Variants in AFF1 observed in about 807,000 individuals in gnomAD.
AFF1 encodes the protein ALF transcription elongation factor 1, also known as AF4/FMR2 family member 1.
AFF1 carries 48 observed loss-of-function variants against 121.7 expected under a neutral mutation model. That is an observed-to-expected ratio of 0.39 (90% confidence interval 0.31 to 0.50). The LOEUF is 0.50. Among genes scored for constraint, AFF1 ranks in the 20% least tolerant of loss-of-function variants. The pLI is 0.76. For missense variants in AFF1, 1,523 were observed against 1,511.7 expected, an observed-to-expected ratio of 1.01 and a Z score of -0.12; for synonymous variants, 613 against 563.0, an observed-to-expected ratio of 1.09 and a Z score of -1.26.
At chr4:87,096,522 A>G (rs1284171521) in intron 8 of AFF1, among the ~76,000 whole-genome samples, 1 of 149,940 alleles carries the variant, frequency 6.7e-6, no homozygotes, top group East Asian at 2.0e-4. Context: ...GTGAGCTTCC[A>G]CACTTAGCCT....
intron 2 of AFF1, among the ~76,000 whole-genome samples, chr4:87,045,462 C>T (rs929570762): frequency 1.3e-5 from 2 of 149,540 alleles, no homozygotes; most frequent in African/African-American, 5.0e-5. Flanking sequence ...CGTTTAACCC[C>T]TTTAGTGCCA....
In AFF1 at chr4:87,115,089, C is replaced by CA. The variant is rs1726961304; in HGVS notation, c.2257dup (p.Thr753AsnfsTer44). ...ACAGACTCCCATTGCCTTTGAGAGA[C>CA]ACCAAGCTGCTCTCACCGCTCAGGG... On this transcript the variant is annotated frameshift_variant, in exon 12 of 21. Transcript: ENST00000395146. LOFTEE classifies it high-confidence loss of function. 1 of 1,614,058 alleles carries CA rather than the reference C, an allele frequency of 6.2e-7. No individual in the cohort carries two copies.
intron 2 of AFF1, among the ~76,000 whole-genome samples, chr4:86,958,583 T>G (rs576127944): frequency 1.3e-5 from 2 of 151,918 alleles, no homozygotes; most frequent in East Asian, 3.9e-4. Context: ...CCGGGTGTGG[T>G]GGTACGTGCC....
At chr4:86,950,054 T>C in intron 2 of AFF1, 1 of 1,613,972 alleles carries the variant, frequency 6.2e-7, no homozygotes, top group East Asian at 2.2e-5. Context: ...GAGAGGGTGA[T>C]TGATGTAATA....
At chr4:86,939,469 T>G (rs987431263) in intron 1 of AFF1, among the ~76,000 whole-genome samples, 3 of 152,236 alleles carry the variant, frequency 2.0e-5, no homozygotes, top group African/African-American at 7.2e-5. Flanking sequence ...TCATTTAGGA[T>G]TTTGAACATT....
At chr4:87,133,323 G>C (rs1485023907) in intron 19 of AFF1, among the ~76,000 whole-genome samples, 3 of 152,032 alleles carry the variant, frequency 2.0e-5, no homozygotes, top group Admixed American at 6.5e-5. Context: ...TTTTTAATTT[G>C]GTCATACTCC....
At chr4:87,043,821 CTTTCTT>C (rs1395294564) in intron 2 of AFF1, among the ~76,000 whole-genome samples, 6 of 105,604 alleles carry the variant, frequency 5.7e-5, no homozygotes, top group African/African-American at 2.1e-4. Flanking sequence ...TTCTTTCTTT[CTTTCTT>C]TTTTTTTTTG....
intron 2 of AFF1, chr4:87,007,518 C>T (rs1726284762): frequency 6.6e-7 from 1 of 1,525,364 alleles, no homozygotes; most frequent in Non-Finnish European, 9.1e-7. Flanking sequence ...AGGAGACGGA[C>T]AGGAAGCAGC....
At chr4:87,022,580 ATATCTATCTATATC>A (rs1244726472) in intron 2 of AFF1, among the ~76,000 whole-genome samples, 41 of 89,302 alleles carry the variant, frequency 4.6e-4, no homozygotes, top group African/African-American at 1.8e-3. Flanking sequence ...ATATATATAT[ATATCTATCTATATC>A]TATCTGTGTG....
intron 2 of AFF1, among the ~76,000 whole-genome samples, chr4:87,043,893 A>G (rs1282161051): frequency 6.6e-6 from 1 of 151,858 alleles, no homozygotes; most frequent in African/African-American, 2.4e-5. Flanking sequence ...ATCTCAGCTC[A>G]CTGCAGCCTC....
chr4:87,019,574 A>T (rs964793321), intron 2 of AFF1, among the ~76,000 whole-genome samples: 4 of 152,198 alleles, frequency 2.6e-5, no homozygotes, highest in Non-Finnish European at 5.9e-5. Context: ...TGAAGTCTTC[A>T]TAAAAGGCCC....
intron 4 of AFF1, among the ~76,000 whole-genome samples, chr4:87,078,827 A>T (rs74770845): frequency 2.7e-5 from 4 of 150,466 alleles, no homozygotes; most frequent in African/African-American, 9.8e-5. Context: ...ACCTATTGGG[A>T]TTTTTTTTTT....
At chr4:87,046,059 T>TC in intron 2 of AFF1, 107 bp from the exon 3 acceptor site, 1 of 1,373,686 alleles carries the variant, frequency 7.3e-7, no homozygotes, top group Admixed American at 2.2e-5. Flanking sequence ...CATCACTGCT[T>TC]CTTCCCAGAC....
intron 12 of AFF1, among the ~76,000 whole-genome samples, chr4:87,117,121 C>T (rs1727205218): frequency 6.6e-6 from 1 of 152,170 alleles, no homozygotes; most frequent in South Asian, 2.1e-4. Context: ...CCCCAGAGAG[C>T]TCAGTCCAGT....
intron 2 of AFF1, among the ~76,000 whole-genome samples, chr4:86,952,416 A>G (rs1432012383): frequency 6.6e-6 from 1 of 152,172 alleles, no homozygotes; most frequent in Non-Finnish European, 1.5e-5. Context: ...TTAGTTACTG[A>G]TGTTGGTTCC....
intron 3 of AFF1, 46 bp from the exon 4 acceptor site, chr4:87,046,649 G>A (rs1419239712): frequency 3.2e-6 from 5 of 1,555,030 alleles, no homozygotes; most frequent in Admixed American, 2.0e-5. Flanking sequence ...TTAAATGGTA[G>A]TTTTCCTTAG....
intron 1 of AFF1, among the ~76,000 whole-genome samples, chr4:86,942,706 A>G (rs141076623): frequency 6.6e-6 from 1 of 152,318 alleles, no homozygotes; most frequent in African/African-American, 2.4e-5. Context: ...AAAATAGACA[A>G]ATATGTCAGG....
At chr4:87,003,368 A>G (rs1209004256) in intron 2 of AFF1, among the ~76,000 whole-genome samples, 2 of 152,138 alleles carry the variant, frequency 1.3e-5, no homozygotes, top group Admixed American at 6.5e-5. Context: ...GGCTCACGCA[A>G]TCCTCTTGCC....
In AFF1 at chr4:86,942,857, A is replaced by G. The variant is rs114013898; in HGVS notation, c.-36-5641A>G. 3.9e-3 allele frequency among the ~76,000 whole-genome samples: 597 copies of G among 152,384 alleles called. 1 individual carries two copies. The highest frequency in any genetic ancestry group is 6.8e-3 in the Non-Finnish European group (461 of 68,042). On this transcript the variant is annotated intron_variant, in intron 1 of 20. Transcript: ENST00000395146. Reference sequence around the variant, plus strand: ...AAAAAGTCAGAGTTCCTGATGCCTCATTGCATAGCTAACAGTATGCCAAGT... The same window carrying G: ...AAAAAGTCAGAGTTCCTGATGCCTCGTTGCATAGCTAACAGTATGCCAAGT...
Sources: allele counts gnomAD v4.1 joint callset (sites outside exome capture counted in the v4.1 genomes callset), GRCh38; gene constraint gnomAD v4.1.1; transcripts MANE v1.5; gene names NCBI Gene and HGNC (gene_info 2026-07-23, HGNC 2026-07-21).